The following PTPRD variants were observed in gnomAD, a reference collection of about 807,000 sequenced individuals.
The protein encoded by PTPRD is receptor-type tyrosine-protein phosphatase delta.
In PTPRD, 34 loss-of-function variants were observed where a neutral mutation model predicts 214.5. The ratio of observed to expected loss-of-function variants is 0.16; its 90% CI spans 0.12 to 0.21. The LOEUF is 0.21. Among genes scored for constraint, PTPRD ranks in the 10% least tolerant of loss-of-function variants. The pLI is 1.00. For missense variants in PTPRD, 2,545 were observed against 2,398.7 expected (o/e 1.06, Z -1.27); for synonymous variants, 1,128 against 845.7 (o/e 1.33, Z -5.79).
intron 9 of PTPRD, among the ~76,000 whole-genome samples, chr9:9,189,457 C>T (rs1451398199): frequency 1.3e-5 from 2 of 152,006 alleles, no homozygotes; most frequent in Admixed American, 6.6e-5. Context: ...ACTTTTCTTA[C>T]CTGGTCTATT....
chr9:9,804,707 C>T (rs1340996039), intron 5 of PTPRD, among the ~76,000 whole-genome samples: 1 of 151,900 alleles, frequency 6.6e-6, no homozygotes, highest in Admixed American at 6.6e-5. Flanking sequence ...AGACTTTGAG[C>T]TAATAAAAAG....
At chr9:8,894,249 G>A (rs972954780) in intron 11 of PTPRD, among the ~76,000 whole-genome samples, 1 of 150,908 alleles carries the variant, frequency 6.6e-6, no homozygotes, top group Non-Finnish European at 1.5e-5. Flanking sequence ...CAGCTACTCA[G>A]GAGGCTGAGG....
chr9:8,928,917 A>G (rs2098924182), intron 11 of PTPRD, among the ~76,000 whole-genome samples: 1 of 152,044 alleles, frequency 6.6e-6, no homozygotes, highest in South Asian at 2.1e-4. Flanking sequence ...ATCCCTCGTA[A>G]GTTGTATTCC....
intron 10 of PTPRD, among the ~76,000 whole-genome samples, chr9:9,097,959 T>A (rs2099786039): frequency 6.6e-6 from 1 of 152,096 alleles, no homozygotes; most frequent in African/African-American, 2.4e-5. Flanking sequence ...TCATAAAAGA[T>A]CCAGAGAGGG....
chr9:8,534,302 T>A (rs967524271), intron 14 of PTPRD, among the ~76,000 whole-genome samples: 2 of 151,850 alleles, frequency 1.3e-5, no homozygotes, highest in South Asian at 2.1e-4. Context: ...AGAACACGTA[T>A]CTATATTCTA....
chr9:9,061,980 A>G (rs1441537565), intron 10 of PTPRD, among the ~76,000 whole-genome samples: 2 of 152,124 alleles, frequency 1.3e-5, no homozygotes, highest in Non-Finnish European at 2.9e-5. Context: ...TAGAAATTAA[A>G]AGATGCCTCT....
chr9:9,026,956 AACTT>A (rs2099589437), intron 10 of PTPRD, among the ~76,000 whole-genome samples: 1 of 151,416 alleles, frequency 6.6e-6, no homozygotes, highest in Admixed American at 6.6e-5. Context: ...TCATCTCTTA[AACTT>A]ACTTTTGTCT....
intron 9 of PTPRD, among the ~76,000 whole-genome samples, chr9:9,255,810 G>C (rs535854815): frequency 1.9e-4 from 29 of 151,974 alleles, no homozygotes; most frequent in Admixed American, 3.3e-4. Flanking sequence ...TTTTGTTTAT[G>C]ACTGTATACT....
At chr9:10,596,801 T>C (rs897109077) in intron 2 of PTPRD, among the ~76,000 whole-genome samples, 4 of 151,650 alleles carry the variant, frequency 2.6e-5, no homozygotes, top group African/African-American at 4.8e-5. Flanking sequence ...ACTAGCTTCA[T>C]AGTTGTTAAT....
chr9:8,532,061 T>C (rs886817695), intron 14 of PTPRD, among the ~76,000 whole-genome samples: 1 of 152,044 alleles, frequency 6.6e-6, no homozygotes, highest in Non-Finnish European at 1.5e-5. Context: ...TAAAGAGCGT[T>C]CCTTTCTTAT....
Position 8,557,431 on chromosome 9 carries a change from A to AATATATAT in PTPRD, c.353-28653_353-28652insATATATAT, listed in dbSNP as rs1281715374. ...CAAAACTCTTTATTTTTCATTTGTA[A>AATATATAT]ATACATATATATATATATATATATA... On this transcript the variant is annotated intron_variant, in intron 14 of 45. Transcript: ENST00000381196. Among the ~76,000 whole-genome samples, 8 of 111,720 alleles carry AATATATAT rather than the reference A, an allele frequency of 7.2e-5. 1 individual carries two copies. Among genetic ancestry groups the AATATATAT allele is most frequent in the African/African-American group, 6.2e-4 (8 of 12,970 alleles). 73.3% of individuals were successfully genotyped at this position (111,720 alleles called of 152,430 possible).
chr9:9,187,457 C>A (rs2099932316), intron 9 of PTPRD, among the ~76,000 whole-genome samples: 1 of 151,988 alleles, frequency 6.6e-6, no homozygotes. Flanking sequence ...ATTGTCAAGT[C>A]CCTTTTTTAT....
intron 23 of PTPRD, among the ~76,000 whole-genome samples, chr9:8,503,091 A>T (rs987162931): frequency 5.3e-5 from 8 of 152,060 alleles, no homozygotes; most frequent in African/African-American, 1.7e-4. Context: ...GATAATCACT[A>T]ATAGATTAAA....
intron 9 of PTPRD, among the ~76,000 whole-genome samples, chr9:9,333,155 T>C (rs894487425): frequency 1.3e-5 from 2 of 151,748 alleles, no homozygotes; most frequent in Non-Finnish European, 2.9e-5. Context: ...GATTATCACA[T>C]TTGAGAGAGA....
In PTPRD at chr9:8,430,107, T is replaced by C. The variant is rs1017791376; in HGVS notation, c.4086+6485A>G. 2.6e-5 allele frequency among the ~76,000 whole-genome samples: 4 copies of C among 152,120 alleles called. No individual in the cohort carries two copies. In the East Asian group the frequency reaches 7.7e-4, roughly 29 times the overall value. Reference sequence around the variant, plus strand: ...TTATCTCAACCCACACCACAAAATGTATAACATCTAGAATGTACCTGAAGT... The same window carrying C: ...TTATCTCAACCCACACCACAAAATGCATAACATCTAGAATGTACCTGAAGT... On this transcript the variant is annotated intron_variant, in intron 35 of 45. Transcript: ENST00000381196.
intron 10 of PTPRD, among the ~76,000 whole-genome samples, chr9:9,076,488 G>A (rs773772049): frequency 3.3e-5 from 5 of 151,854 alleles, no homozygotes; most frequent in African/African-American, 4.8e-5. Flanking sequence ...CATTCTACTC[G>A]CTATCTCCAT....
intron 5 of PTPRD, among the ~76,000 whole-genome samples, chr9:9,856,790 G>A (rs1314016358): frequency 6.6e-6 from 1 of 152,064 alleles, no homozygotes; most frequent in Non-Finnish European, 1.5e-5. Flanking sequence ...TTGAATGGAT[G>A]CCCCCATGGA....
intron 4 of PTPRD, among the ~76,000 whole-genome samples, chr9:9,981,189 C>A (rs1318420130): frequency 2.0e-5 from 3 of 152,078 alleles, no homozygotes; most frequent in African/African-American, 7.3e-5. Context: ...TGGATGTATA[C>A]TATGGAAAAA....
At chr9:9,268,654 A>G (rs1941310845) in intron 9 of PTPRD, among the ~76,000 whole-genome samples, 1 of 151,170 alleles carries the variant, frequency 6.6e-6, no homozygotes, top group South Asian at 2.1e-4. Flanking sequence ...TAATATGGGC[A>G]TAACAACAAA....
Sources: allele counts gnomAD v4.1 joint callset (sites outside exome capture counted in the v4.1 genomes callset), GRCh38; gene constraint gnomAD v4.1.1; transcripts MANE v1.5; gene names NCBI Gene and HGNC (gene_info 2026-07-23, HGNC 2026-07-21).